ABTB3: variants seen among roughly 807,000 people sequenced by gnomAD.
ABTB3 encodes the protein ankyrin repeat and BTB domain containing 3, also known as ankyrin repeat- and BTB/POZ domain-containing protein 3.
the ABTB3 span, among the ~76,000 whole-genome samples, chr12:107,571,576 A>G: frequency 4.1e-3 from 631 of 152,362 alleles, 5 homozygotes; most frequent in African/African-American, 0.014. Flanking sequence ...GAAGCTGTAC[A>G]GCCTCTGCTG....
At chr12:107,475,594 G>A in the ABTB3 span, among the ~76,000 whole-genome samples, 2 of 152,154 alleles carry the variant, frequency 1.3e-5, no homozygotes, top group African/African-American at 4.8e-5. Flanking sequence ...GCAAACCCCA[G>A]GAGCACAGGA....
the ABTB3 span, among the ~76,000 whole-genome samples, chr12:107,410,897 G>A: frequency 6.6e-6 from 1 of 152,144 alleles, no homozygotes; most frequent in Admixed American, 6.5e-5. Flanking sequence ...AGCTTTCAGG[G>A]TATAGACAGA....
the ABTB3 span, among the ~76,000 whole-genome samples, chr12:107,434,555 A>G: frequency 4.6e-5 from 7 of 152,216 alleles, no homozygotes; most frequent in South Asian, 2.1e-4. Flanking sequence ...TCTGAGAACT[A>G]TATCTGCATT....
At chr12:107,445,696 C>A in the ABTB3 span, among the ~76,000 whole-genome samples, 10 of 152,254 alleles carry the variant, frequency 6.6e-5, no homozygotes, top group Non-Finnish European at 1.5e-4. Flanking sequence ...TTCTGGAGGT[C>A]AGAAGCCCTA....
chr12:107,469,471 G>A, the ABTB3 span, among the ~76,000 whole-genome samples: 1 of 152,194 alleles, frequency 6.6e-6, no homozygotes, highest in African/African-American at 2.4e-5. Context: ...AACAGCACTG[G>A]CACCCATCTG....
At chr12:107,371,390 G>A in the ABTB3 span, among the ~76,000 whole-genome samples, 1 of 152,182 alleles carries the variant, frequency 6.6e-6, no homozygotes, top group Non-Finnish European at 1.5e-5. Context: ...CTAAGCTGCT[G>A]TCCTGCCAGG....
the ABTB3 span, among the ~76,000 whole-genome samples, chr12:107,574,466 T>C: frequency 6.6e-6 from 1 of 152,210 alleles, no homozygotes; most frequent in African/African-American, 2.4e-5. Flanking sequence ...CTCATTCCTC[T>C]AATCCCAGCT....
At chr12:107,370,249 G>C in the ABTB3 span, among the ~76,000 whole-genome samples, 1 of 152,188 alleles carries the variant, frequency 6.6e-6, no homozygotes, top group Non-Finnish European at 1.5e-5. Flanking sequence ...CTTCTCCTCA[G>C]TTCTTTCGTT....
the ABTB3 span, among the ~76,000 whole-genome samples, chr12:107,469,930 C>CTCTCTCTT: frequency 1.0e-5 from 1 of 99,754 alleles, no homozygotes; most frequent in African/African-American, 4.7e-5. Context: ...TTCTCTCTCT[C>CTCTCTCTT]TCTCTTTCTT....
At chr12:107,331,896 C>T in the ABTB3 span, among the ~76,000 whole-genome samples, 2 of 152,210 alleles carry the variant, frequency 1.3e-5, no homozygotes, top group Non-Finnish European at 2.9e-5. Context: ...CCCCCCCGCC[C>T]CACCTCTCCC....
the ABTB3 span, among the ~76,000 whole-genome samples, chr12:107,452,430 T>C: frequency 3.3e-5 from 5 of 151,984 alleles, no homozygotes; most frequent in Non-Finnish European, 7.4e-5. Context: ...ATGGTCTCGA[T>C]CTCCTGACTT....
the ABTB3 span, among the ~76,000 whole-genome samples, chr12:107,579,790 T>C: frequency 6.6e-6 from 1 of 152,198 alleles, no homozygotes; most frequent in African/African-American, 2.4e-5. Context: ...CTCCTTCAGT[T>C]TTGCACCCAG....
the ABTB3 span, among the ~76,000 whole-genome samples, chr12:107,647,760 T>G: frequency 6.6e-6 from 1 of 152,216 alleles, no homozygotes; most frequent in South Asian, 2.1e-4. Flanking sequence ...ACTCATTTAG[T>G]CTTCATCACA....
At chr12:107,412,646 G>A in the ABTB3 span, among the ~76,000 whole-genome samples, 1 of 152,118 alleles carries the variant, frequency 6.6e-6, no homozygotes, top group Non-Finnish European at 1.5e-5. Context: ...CAGTCAACTC[G>A]AAGCCTAGTG....
chr12:107,373,463 A>T, the ABTB3 span, among the ~76,000 whole-genome samples: 1 of 152,218 alleles, frequency 6.6e-6, no homozygotes, highest in Non-Finnish European at 1.5e-5. Flanking sequence ...TATATAAAGC[A>T]TCACTTTCCT....
chr12:107,498,520 A>G, the ABTB3 span, among the ~76,000 whole-genome samples: 4 of 152,222 alleles, frequency 2.6e-5, no homozygotes, highest in African/African-American at 7.2e-5. Flanking sequence ...AATGGGTCTC[A>G]TGGAGCTAAA....
chr12:107,468,986 T>G, the ABTB3 span, among the ~76,000 whole-genome samples: 7 of 152,216 alleles, frequency 4.6e-5, no homozygotes, highest in South Asian at 8.3e-4. Flanking sequence ...GTTCGATAAA[T>G]AACACCTGTC....
the ABTB3 span, among the ~76,000 whole-genome samples, chr12:107,646,334 A>G: frequency 6.6e-6 from 1 of 152,242 alleles, no homozygotes; most frequent in South Asian, 2.1e-4. Context: ...TCCACTAAGG[A>G]GCAGCGTTTC....
chr12:107,419,864 G>A, the ABTB3 span, among the ~76,000 whole-genome samples: 2 of 152,216 alleles, frequency 1.3e-5, no homozygotes, highest in Admixed American at 6.5e-5. Flanking sequence ...TAGGTGAAGA[G>A]CATGCCTAGC....
Sources: allele counts gnomAD v4.1 joint callset (sites outside exome capture counted in the v4.1 genomes callset), GRCh38; gene constraint gnomAD v4.1.1; transcripts MANE v1.5; gene names NCBI Gene and HGNC (gene_info 2026-07-23, HGNC 2026-07-21).